Variants in FHIT observed in about 807,000 individuals in gnomAD.
FHIT encodes the protein bis(5'-adenosyl)-triphosphatase.
In FHIT, 19 loss-of-function variants were observed where a neutral mutation model predicts 17.9. The ratio of observed to expected loss-of-function variants is 1.06; its 90% CI spans 0.74 to 1.56. The LOEUF (loss-of-function observed/expected upper bound fraction) is 1.56. Among genes scored for constraint, FHIT ranks in the 40% most tolerant of loss-of-function variants. The pLI is 0.00. For synonymous variants in FHIT, 81 were observed against 69.7 expected (o/e 1.16, Z -0.81); for missense variants, 248 against 189.2 (o/e 1.31, Z -1.82).
intron 7 of FHIT, among the ~76,000 whole-genome samples, chr3:59,997,910 C>T (rs556034771): frequency 4.1e-4 from 62 of 152,172 alleles, no homozygotes; most frequent in African/African-American, 1.4e-3. Flanking sequence ...ATTTCTATTA[C>T]GTATAATTTA....
At chr3:60,175,033 G>A (rs541466596) in intron 5 of FHIT, among the ~76,000 whole-genome samples, 1 of 152,152 alleles carries the variant, frequency 6.6e-6, no homozygotes, top group Non-Finnish European at 1.5e-5. Context: ...AAAATCCTGA[G>A]ATATTGTTCT....
At chr3:59,865,837 A>G (rs1702621733) in intron 8 of FHIT, among the ~76,000 whole-genome samples, 2 of 152,140 alleles carry the variant, frequency 1.3e-5, no homozygotes, top group African/African-American at 4.8e-5. Context: ...GCATTCATCA[A>G]ATTCAGAGTG....
chr3:60,446,666 A>T (rs1034687601), intron 5 of FHIT, among the ~76,000 whole-genome samples: 1 of 152,056 alleles, frequency 6.6e-6, no homozygotes. Context: ...AGTCTGGTCA[A>T]CATAGCAAGA....
chr3:60,431,984 T>G (rs1471882960), intron 5 of FHIT, among the ~76,000 whole-genome samples: 2 of 151,938 alleles, frequency 1.3e-5, no homozygotes, highest in Non-Finnish European at 2.9e-5. Context: ...TTTGCTTGGG[T>G]TTTTGTTCTG....
chr3:60,758,431 G>A (rs963570371), intron 4 of FHIT, among the ~76,000 whole-genome samples: 4 of 152,174 alleles, frequency 2.6e-5, no homozygotes, highest in African/African-American at 9.7e-5. Flanking sequence ...ATTTTGACAC[G>A]TTCAGTTACT....
At position 60,578,831 on chromosome 3, in the gene FHIT, G is replaced by A. The variant is rs532294411; in HGVS notation, c.-17-41852C>T. 2.0e-3 allele frequency among the ~76,000 whole-genome samples: 297 copies of A among 152,142 alleles called. 5 individuals carry two copies. In the South Asian group the frequency reaches 0.031, roughly 16 times the overall value. On this transcript the variant is annotated intron_variant, in intron 4 of 9. Coordinates refer to ENST00000492590, the MANE Select transcript of FHIT (RefSeq NM_002012.4). ...GTGTATATGTGCCTATATTTATATA[G>A]GTACATTTCCCAATTTTATTCTTTT...
chr3:59,947,153 T>A (rs959108990), intron 7 of FHIT, among the ~76,000 whole-genome samples: 1 of 152,222 alleles, frequency 6.6e-6, no homozygotes, highest in Non-Finnish European at 1.5e-5. Flanking sequence ...TGGCTTTTTC[T>A]AGTTGTTGGG....
intron 5 of FHIT, among the ~76,000 whole-genome samples, chr3:60,464,558 T>C (rs1303681659): frequency 6.6e-6 from 1 of 152,072 alleles, no homozygotes; most frequent in South Asian, 2.1e-4. Context: ...TCTCTTTCCG[T>C]GAGCTCAGTT....
chr3:60,631,844 A>G (rs1485662776), intron 4 of FHIT, among the ~76,000 whole-genome samples: 8 of 152,088 alleles, frequency 5.3e-5, no homozygotes, highest in Admixed American at 5.2e-4. Flanking sequence ...ACAATAAATC[A>G]CTTTGGGTAA....
At chr3:60,017,759 T>A (rs763859238) in intron 5 of FHIT, among the ~76,000 whole-genome samples, 6 of 152,224 alleles carry the variant, frequency 3.9e-5, no homozygotes, top group Non-Finnish European at 8.8e-5. Flanking sequence ...TGTGACCACA[T>A]GCCAAGCCCT....
Position 60,895,665 on chromosome 3 carries a change from C to CCTTTCTTTCTTT in FHIT, c.-110-73666_-110-73655dup, listed in dbSNP as rs141279352. ...CCTTCCTTTCCCTCCTTCCTTCCTT[C>CCTTTCTTTCTTT]CTTTCTTTCTTTCTTTCTTTCTTTC... On this transcript the variant is annotated intron_variant, in intron 3 of 9. Coordinates refer to ENST00000492590, the MANE Select transcript of FHIT (RefSeq NM_002012.4). Among the ~76,000 whole-genome samples the CCTTTCTTTCTTT allele has an allele frequency of 2.3e-3, 248 of 107,004 alleles. 5 individuals are homozygous for CCTTTCTTTCTTT. Among genetic ancestry groups the CCTTTCTTTCTTT allele is most frequent in the East Asian group, 0.012 (37 of 3,134 alleles). The allele number at this position is 107,004 out of a possible 152,430, so 70.2% of individuals were successfully genotyped here.
At chr3:60,893,743 C>T (rs1375306041) in intron 3 of FHIT, among the ~76,000 whole-genome samples, 1 of 152,194 alleles carries the variant, frequency 6.6e-6, no homozygotes, top group African/African-American at 2.4e-5. Flanking sequence ...CTGACCCTTT[C>T]ATGTTTACCC....
Position 60,393,372 on chromosome 3 carries a change from A to T in FHIT, c.103+143488T>A, listed in dbSNP as rs946238567. 4.0e-5 allele frequency among the ~76,000 whole-genome samples: 6 copies of T among 150,544 alleles called. No individual in the cohort carries two copies. In the South Asian group the frequency reaches 1.0e-3, roughly 26 times the overall value. ...TCAAACTTTGTGCACTAATTGAAAA[A>T]ATATATATATTTTTGTAAAATTATT... is the stretch of plus-strand genomic sequence containing the variant. On this transcript the variant is annotated intron_variant, in intron 5 of 9. Transcript: ENST00000492590.
chr3:60,226,107 T>G (rs182808666), intron 5 of FHIT, among the ~76,000 whole-genome samples: 1 of 152,022 alleles, frequency 6.6e-6, no homozygotes, highest in Non-Finnish European at 1.5e-5. Context: ...GGGAATCCAT[T>G]TGGGGAAGAA....
At chr3:59,806,329 T>G (rs778016194) in intron 8 of FHIT, among the ~76,000 whole-genome samples, 8 of 152,172 alleles carry the variant, frequency 5.3e-5, no homozygotes, top group Non-Finnish European at 1.0e-4. Context: ...AATTTTGTAA[T>G]AAGGTAACTG....
At chr3:61,222,418 G>A (rs888972507) in intron 1 of FHIT, among the ~76,000 whole-genome samples, 4 of 152,158 alleles carry the variant, frequency 2.6e-5, no homozygotes, top group African/African-American at 4.8e-5. Context: ...AGAGAATGGC[G>A]GTCACAAATG....
chr3:61,155,027 T>C (rs1436740477), intron 2 of FHIT, among the ~76,000 whole-genome samples: 2 of 152,244 alleles, frequency 1.3e-5, no homozygotes, highest in Non-Finnish European at 1.5e-5. Context: ...TGCCATCATT[T>C]CCGCTCTCTT....
At chr3:60,656,435 A>G (rs2040117743) in intron 4 of FHIT, among the ~76,000 whole-genome samples, 2 of 152,196 alleles carry the variant, frequency 1.3e-5, no homozygotes, top group Admixed American at 6.5e-5. Flanking sequence ...CTAACCTGCT[A>G]CCATGGGCCA....
chr3:59,824,840 A>G (rs1674555792), intron 8 of FHIT, among the ~76,000 whole-genome samples: 1 of 152,134 alleles, frequency 6.6e-6, no homozygotes, highest in Admixed American at 6.5e-5. Context: ...CCTCTTTTCA[A>G]CCATTCCTTC....
Sources: gnomAD v4.1 joint callset for allele counts (sites outside exome capture counted in the v4.1 genomes callset) on GRCh38, gnomAD v4.1.1 for gene constraint, MANE v1.5 for transcripts, NCBI Gene and HGNC (gene_info 2026-07-23, HGNC 2026-07-21) for gene names.